FSIP1: variants seen among roughly 807,000 people sequenced by gnomAD.
The protein encoded by FSIP1 is fibrous sheath interacting protein 1, also known as fibrous sheath-interacting protein 1.
A neutral mutation model predicts 60.9 loss-of-function variants in FSIP1; 65 were observed. That is an observed-to-expected ratio of 1.07 (90% CI 0.87 to 1.31). The LOEUF (loss-of-function observed/expected upper bound fraction) is 1.31. FSIP1 is among the 40% of genes most tolerant of loss of function. The pLI, the probability that FSIP1 is intolerant of heterozygous loss-of-function variation, is 0.00. For missense variants in FSIP1, 675 were observed against 665.5 expected (o/e 1.01, Z -0.16); for synonymous variants, 209 against 221.2 (o/e 0.94, Z 0.49).
chr15:39,652,610 T>C (rs938103934), intron 10 of FSIP1, among the ~76,000 whole-genome samples: 7 of 152,222 alleles, frequency 4.6e-5, no homozygotes, highest in Non-Finnish European at 8.8e-5. Context: ...TTCTACTGGA[T>C]ATAATTTCAA....
At chr15:39,625,230 G>C (rs1891591850) in intron 10 of FSIP1, among the ~76,000 whole-genome samples, 1 of 152,182 alleles carries the variant, frequency 6.6e-6, no homozygotes, top group Non-Finnish European at 1.5e-5. Flanking sequence ...GCCCGGGCTG[G>C]CTCCATGGCT....
intron 10 of FSIP1, among the ~76,000 whole-genome samples, chr15:39,682,168 T>C (rs1386841616): frequency 1.3e-5 from 2 of 152,244 alleles, no homozygotes; most frequent in East Asian, 1.9e-4. Flanking sequence ...TACTGTAATT[T>C]ACTTTCCATA....
chr15:39,690,674 C>A (rs569767877), intron 10 of FSIP1, among the ~76,000 whole-genome samples: 11 of 152,276 alleles, frequency 7.2e-5, no homozygotes, highest in Admixed American at 4.6e-4. Context: ...CTGGTAAAAC[C>A]ATAGAGTTGT....
At chr15:39,755,545 A>G (rs957466979) in intron 5 of FSIP1, among the ~76,000 whole-genome samples, 1 of 152,128 alleles carries the variant, frequency 6.6e-6, no homozygotes, top group South Asian at 2.1e-4. Flanking sequence ...TGAGACTCCA[A>G]CAGAAATTAA....
chr15:39,759,354 T>C (rs987038629), intron 5 of FSIP1, among the ~76,000 whole-genome samples: 1 of 152,164 alleles, frequency 6.6e-6, no homozygotes, highest in African/African-American at 2.4e-5. Context: ...AATAAATCTA[T>C]AACCTCCCTG....
rs76019017 is a variant in FSIP1 at position 39,722,776 on chromosome 15, A to T, written c.1050+3813T>A. ...TGAGACCACACCTCTAAAAAAAATT[A>T]AAAAATTAGCTGGTGTGATGGCATG... On this transcript the variant is annotated intron_variant, in intron 9 of 11. Transcript: ENST00000350221. Among the ~76,000 whole-genome samples the T allele has an allele frequency of 2.6e-4, 39 of 152,126 alleles. 1 individual carries two copies. Among genetic ancestry groups the T allele is most frequent in the East Asian group, 5.8e-4 (3 of 5,170 alleles).
chr15:39,677,990 G>A (rs372003232), intron 10 of FSIP1, among the ~76,000 whole-genome samples: 15 of 145,206 alleles, frequency 1.0e-4, no homozygotes, highest in African/African-American at 2.1e-4. Context: ...GCGAGAATTC[G>A]TCTCAAAAAA....
chr15:39,731,571 G>A (rs1031295660), intron 8 of FSIP1, among the ~76,000 whole-genome samples: 1 of 152,174 alleles, frequency 6.6e-6, no homozygotes, highest in Non-Finnish European at 1.5e-5. Context: ...TATGTTTTAT[G>A]CACTATGCCG....
intron 10 of FSIP1, among the ~76,000 whole-genome samples, chr15:39,650,203 A>G (rs1438788876): frequency 6.6e-6 from 1 of 152,228 alleles, no homozygotes; most frequent in African/African-American, 2.4e-5. Context: ...AGCTACCATC[A>G]GTTGTGAATT....
At position 39,688,292 on chromosome 15, in the gene FSIP1, T is replaced by A. The variant is rs187636132; in HGVS notation, c.1188+25152A>T. 3.5e-3 allele frequency among the ~76,000 whole-genome samples: 537 copies of A among 152,220 alleles called. 4 individuals carry two copies. Among genetic ancestry groups the A allele is most frequent in the African/African-American group, 0.012 (508 of 41,520 alleles). ...AGTTGAAAATACAGTAAGCCAAAAA[T>A]CCATTTACTTAATACACCTAACCTA... On this transcript the variant is annotated intron_variant, in intron 10 of 11. Coordinates refer to ENST00000350221, the MANE Select transcript of FSIP1 (RefSeq NM_152597.5).
At chr15:39,660,438 G>C (rs1340815366) in intron 10 of FSIP1, among the ~76,000 whole-genome samples, 1 of 152,196 alleles carries the variant, frequency 6.6e-6, no homozygotes, top group Non-Finnish European at 1.5e-5. Flanking sequence ...GAGTATTTAT[G>C]ATGTTGTAAC....
intron 10 of FSIP1, among the ~76,000 whole-genome samples, chr15:39,630,016 T>C (rs559895330): frequency 5.3e-5 from 8 of 152,370 alleles, no homozygotes; most frequent in African/African-American, 1.7e-4. Context: ...AATGGGTGAC[T>C]TGTAGCATTT....
At chr15:39,710,954 A>AT (rs1211393249) in intron 10 of FSIP1, among the ~76,000 whole-genome samples, 1 of 152,200 alleles carries the variant, frequency 6.6e-6, no homozygotes, top group African/African-American at 2.4e-5. Flanking sequence ...AACTCTTGAC[A>AT]TTTGTCATAT....
chr15:39,623,972 A>G (rs951604671), intron 10 of FSIP1, among the ~76,000 whole-genome samples: 11 of 152,178 alleles, frequency 7.2e-5, no homozygotes, highest in Non-Finnish European at 1.3e-4. Context: ...CACACCCACC[A>G]ACAACTGACT....
intron 10 of FSIP1, among the ~76,000 whole-genome samples, chr15:39,665,580 A>T (rs1893465066): frequency 6.6e-6 from 1 of 152,228 alleles, no homozygotes; most frequent in Non-Finnish European, 1.5e-5. Context: ...AAGGTCACAG[A>T]CTAAGGCAGT....
chr15:39,609,465 G>C (rs923816113), intron 11 of FSIP1, among the ~76,000 whole-genome samples: 1 of 152,100 alleles, frequency 6.6e-6, no homozygotes, highest in African/African-American at 2.4e-5. Context: ...AGGCTTGCCA[G>C]GCTAGGAGGC....
At chr15:39,637,357 T>C (rs1004632968) in intron 10 of FSIP1, among the ~76,000 whole-genome samples, 6 of 152,164 alleles carry the variant, frequency 3.9e-5, no homozygotes, top group Non-Finnish European at 8.8e-5. Context: ...TTGAGAAGGC[T>C]ATGGAAGGTA....
chr15:39,736,967 A>AGGGGACAGCTGTGCACCCT (rs1346533002), intron 8 of FSIP1, among the ~76,000 whole-genome samples: 2 of 152,114 alleles, frequency 1.3e-5, no homozygotes, highest in Non-Finnish European at 2.9e-5. Flanking sequence ...TCTCAGGGGA[A>AGGGGACAGCTGTGCACCCT]GGGGACAGCT....
At chr15:39,615,844 C>T (rs1198238754) in intron 11 of FSIP1, among the ~76,000 whole-genome samples, 1 of 151,868 alleles carries the variant, frequency 6.6e-6, no homozygotes, top group Non-Finnish European at 1.5e-5. Flanking sequence ...TAAAGGGTAC[C>T]AGTTTTCACT....
Sources: gnomAD v4.1 joint callset for allele counts (sites outside exome capture counted in the v4.1 genomes callset) on GRCh38, gnomAD v4.1.1 for gene constraint, MANE v1.5 for transcripts, NCBI Gene and HGNC (gene_info 2026-07-23, HGNC 2026-07-21) for gene names.